The following RAB33A variants were observed in gnomAD, a reference collection of about 807,000 sequenced individuals.
RAB33A encodes the protein RAB33A, member RAS oncogene family.
A neutral mutation model predicts 12.0 loss-of-function variants in RAB33A; 6 were observed. That is an observed-to-expected ratio of 0.50 (90% CI 0.27 to 0.99). The LOEUF is 0.99. Among genes scored for constraint, RAB33A ranks in the 50% least tolerant of loss-of-function variants. The probability of loss-of-function intolerance (pLI) is 0.11; values close to 1 mark genes in which losing one functional copy is unlikely to be tolerated. For missense variants in RAB33A, 109 were observed against 192.0 expected (o/e 0.57, Z 2.55); for synonymous variants, 70 against 82.4 (o/e 0.85, Z 0.81).
chrX:130,155,541 G>GA, the RAB33A span, among the ~76,000 whole-genome samples: 1 of 112,322 alleles, frequency 8.9e-6, no homozygotes, highest in Non-Finnish European at 1.9e-5. Flanking sequence ...GTCCGTTTGG[G>GA]AGTCACATCA....
chrX:130,161,073 A>C, the RAB33A span, among the ~76,000 whole-genome samples: 4 of 111,292 alleles, frequency 3.6e-5, no homozygotes, highest in Non-Finnish European at 7.5e-5. Flanking sequence ...AGGTTTTGTG[A>C]TTTCCTGTTT....
Position 130,184,701 on chromosome X carries a change from C to G in RAB33A, c.675C>G (p.Phe225Leu), listed in dbSNP as rs1569427347. Residue 225 changes from phenylalanine to leucine, a missense_variant, in exon 2 of 2, where the codon TTC (phenylalanine) becomes TTG (leucine). Physicochemically the swap from Phe to Leu is conservative, Grantham distance 22. Transcript: ENST00000257017. ...AGGGGAAGGTGCAGAAACTGGAGTT[C>G]CCACAGGAAGCTAACAGTAAAACTT... ...RQQGKVQKLE[F>L]PQEANSKTSC... 8.3e-7 allele frequency: 1 copy of G among 1,209,704 alleles called. No individual in the cohort carries two copies. The highest frequency in any genetic ancestry group is 2.2e-5 in the Admixed American group (1 of 45,706).
chrX:130,148,013 TAAC>T, the RAB33A span: 1 of 795,631 alleles, frequency 1.3e-6, no homozygotes. Flanking sequence ...ACGCTAATCT[TAAC>T]AATCTTCACA....
At chrX:130,124,838 G>A in the RAB33A span, among the ~76,000 whole-genome samples, 2 of 112,137 alleles carry the variant, frequency 1.8e-5, no homozygotes, top group East Asian at 5.6e-4. Context: ...TGGACTGGAT[G>A]CTGGTGATTC....
At chrX:130,118,875 C>T in the RAB33A span, among the ~76,000 whole-genome samples, 5 of 111,331 alleles carry the variant, frequency 4.5e-5, no homozygotes, top group Non-Finnish European at 9.4e-5. Flanking sequence ...GATGTCGGGT[C>T]CCCTCGTGCA....
chrX:130,165,649 C>T, the RAB33A span: 49 of 1,191,885 alleles, frequency 4.1e-5, no homozygotes, highest in Non-Finnish European at 5.4e-5. Flanking sequence ...GCCTCCACAC[C>T]GGAACATTTC....
chrX:130,162,076 C>T, the RAB33A span, among the ~76,000 whole-genome samples: 1 of 112,170 alleles, frequency 8.9e-6, no homozygotes, highest in Non-Finnish European at 1.9e-5. Flanking sequence ...CTTCACAATG[C>T]TGTACTAGGG....
At chrX:130,160,873 T>C in the RAB33A span, among the ~76,000 whole-genome samples, 1 of 106,426 alleles carries the variant, frequency 9.4e-6, no homozygotes, top group Non-Finnish European at 1.9e-5. Context: ...TGAAACCCCG[T>C]CTCTACTTAA....
chrX:130,111,362 G>T, the RAB33A span, among the ~76,000 whole-genome samples: 5 of 112,885 alleles, frequency 4.4e-5, no homozygotes, highest in Non-Finnish European at 7.5e-5. Context: ...CCCTCGGCCC[G>T]TGCAAGTGGA....
chrX:130,171,852 TGGA>T (rs752770253), upstream of RAB33A: 89 of 410,260 alleles, frequency 2.2e-4, no homozygotes, highest in Admixed American at 4.2e-4. Context: ...GAGGGTGCGC[TGGA>T]GGAGGAGGAG....
At chrX:130,156,077 T>C in the RAB33A span, among the ~76,000 whole-genome samples, 1 of 111,900 alleles carries the variant, frequency 8.9e-6, no homozygotes, top group African/African-American at 3.3e-5. Context: ...AAATAAAATG[T>C]CTGACAAATA....
chrX:130,134,331 C>A, the RAB33A span, among the ~76,000 whole-genome samples: 7 of 111,274 alleles, frequency 6.3e-5, no homozygotes, highest in Non-Finnish European at 9.4e-5. Flanking sequence ...CTGTTCTTTC[C>A]TTAACAGACA....
At chrX:130,133,488 AT>A in the RAB33A span, 2 of 1,194,767 alleles carry the variant, frequency 1.7e-6, no homozygotes. Flanking sequence ...TGAACACATG[AT>A]AAAAAAAAAA....
upstream of RAB33A, among the ~76,000 whole-genome samples, chrX:130,171,075 A>AAGGGGATGTTGGCG (rs2031599767): frequency 8.9e-6 from 1 of 112,936 alleles, no homozygotes; most frequent in Admixed American, 9.3e-5. Flanking sequence ...GTGGTGTGAT[A>AAGGGGATGTTGGCG]AGGGGATGTT....
At chrX:130,162,766 G>A in the RAB33A span, among the ~76,000 whole-genome samples, 2 of 111,295 alleles carry the variant, frequency 1.8e-5, no homozygotes, top group African/African-American at 6.5e-5. Context: ...TCAGGGAGTC[G>A]GTGATCAGTT....
the RAB33A span, chrX:130,136,531 A>G: frequency 2.9e-6 from 2 of 698,309 alleles, no homozygotes; most frequent in Non-Finnish European, 4.6e-6. Context: ...TATCAGGTTA[A>G]TGGCAACTGC....
chrX:130,156,425 T>C, the RAB33A span: 1 of 1,208,484 alleles, frequency 8.3e-7, no homozygotes, highest in South Asian at 1.8e-5. Flanking sequence ...GGGAGCTGTT[T>C]GGCAGCTTCT....
At chrX:130,156,443 C>T in the RAB33A span, 15 of 1,210,556 alleles carry the variant, frequency 1.2e-5, no homozygotes, top group East Asian at 3.0e-5. Context: ...TCTTTATACA[C>T]GCTGCTTTTC....
intron 1 of RAB33A, among the ~76,000 whole-genome samples, chrX:130,175,461 A>G (rs1376542358): frequency 9.7e-6 from 1 of 103,602 alleles, no homozygotes; most frequent in Non-Finnish European, 2.0e-5. Flanking sequence ...TTCAATTTGT[A>G]TCCAGGACAC....
Sources: allele counts gnomAD v4.1 joint callset (sites outside exome capture counted in the v4.1 genomes callset), GRCh38; gene constraint gnomAD v4.1.1; transcripts MANE v1.5; gene names NCBI Gene and HGNC (gene_info 2026-07-23, HGNC 2026-07-21).